The following TMEM192 variants were observed in gnomAD, a reference collection of about 807,000 sequenced individuals.
The protein encoded by TMEM192 is transmembrane protein 192.
A neutral mutation model predicts 26.7 loss-of-function variants in TMEM192; 20 were observed. The observed-to-expected ratio is 0.75, with a 90% CI of 0.53 to 1.09. The LOEUF (loss-of-function observed/expected upper bound fraction) is 1.09. Among genes scored for constraint, TMEM192 ranks in the 50% least tolerant of loss-of-function variants. TMEM192 has a pLI of 0.00. For missense variants in TMEM192, 304 were observed against 322.6 expected (o/e 0.94, Z 0.44); for synonymous variants, 124 against 121.0 (o/e 1.02, Z -0.16).
chr4:165,099,806 G>A (rs965118832), intron 3 of TMEM192, among the ~76,000 whole-genome samples: 5 of 151,992 alleles, frequency 3.3e-5, no homozygotes, highest in Admixed American at 2.0e-4. Flanking sequence ...AAAATTAGCC[G>A]GGTGTGGTGG....
intron 3 of TMEM192, among the ~76,000 whole-genome samples, chr4:165,097,581 T>TC (rs1734941884): frequency 6.8e-6 from 1 of 147,228 alleles, no homozygotes; most frequent in African/African-American, 2.5e-5. Context: ...TTTTTTTTTT[T>TC]TTTTGGAGAA....
Position 165,087,916 on chromosome 4 carries a change from T to C in TMEM192, c.574+552A>G, listed in dbSNP as rs184809640. Among the ~76,000 whole-genome samples, 5 of 152,242 alleles carry C rather than the reference T, an allele frequency of 3.3e-5. No individual in the cohort carries two copies. The East Asian group carries it at 9.7e-4, about 29-fold the overall frequency. ...CAAAAGTTTGTGGATGTTTTTGTTG[T>C]TGTTGTTTTAGGAGACAGGGTCTTA... is the stretch of plus-strand genomic sequence containing the variant. On this transcript the variant is annotated intron_variant, in intron 4 of 5. Transcript: ENST00000306480.
chr4:165,091,219 G>C (rs1025978560), intron 3 of TMEM192, among the ~76,000 whole-genome samples: 16 of 152,122 alleles, frequency 1.1e-4, no homozygotes, highest in Non-Finnish European at 1.9e-4. Context: ...AGTGAGCTGA[G>C]ATAGCGCCAC....
chr4:165,079,581 G>C lies in TMEM192; in HGVS notation c.*77C>G. 1.4e-6 allele frequency: 2 copies of C among 1,470,770 alleles called. No individual in the cohort carries two copies. Among genetic ancestry groups the C allele is most frequent in the Non-Finnish European group, 1.8e-6 (2 of 1,094,888 alleles). 91.1% of individuals were successfully genotyped at this position (1,470,770 alleles called of 1,614,324 possible). On this transcript the variant is annotated 3_prime_UTR_variant, in exon 6 of 6. Transcript: ENST00000306480. ...TATTCAGCAAAAGCTGCAGTTCCCC[G>C]TGGCAGCTTGTCAGGTGGTCAGTCA...
chr4:165,107,035 CTTTTTTT>C (rs1735178027), intron 1 of TMEM192, among the ~76,000 whole-genome samples: 1 of 146,974 alleles, frequency 6.8e-6, no homozygotes, highest in Non-Finnish European at 1.5e-5. Context: ...TTTTTTTTTT[CTTTTTTT>C]GAGACAGAGT....
Position 165,094,784 on chromosome 4 carries a change from G to A in TMEM192, c.439+5844C>T, listed in dbSNP as rs186224948. ...GAGGTCGGGAGTTCAAGTCCAGCCT[G>A]ACCAACACGGTGAAACCCTGTCTCT... On this transcript the variant is annotated intron_variant, in intron 3 of 5. Coordinates refer to ENST00000306480, the MANE Select transcript of TMEM192 (RefSeq NM_001100389.2). Among the ~76,000 whole-genome samples, 35 of 152,118 alleles carry A rather than the reference G, an allele frequency of 2.3e-4. 1 individual carries two copies. The highest frequency in any genetic ancestry group is 8.0e-4 in the African/African-American group (33 of 41,492).
intron 5 of TMEM192, among the ~76,000 whole-genome samples, chr4:165,081,174 G>T (rs1481229059): frequency 2.0e-5 from 3 of 151,436 alleles, no homozygotes; most frequent in Non-Finnish European, 4.4e-5. Context: ...GTCTTCAGAG[G>T]TTAACACAAC....
intron 1 of TMEM192, among the ~76,000 whole-genome samples, chr4:165,104,432 T>C (rs1207053160): frequency 6.6e-6 from 1 of 152,222 alleles, no homozygotes; most frequent in East Asian, 1.9e-4. Context: ...ATTACAAAGA[T>C]AAGGACAGTA....
At chr4:165,103,504 C>A (rs1735093734) in intron 1 of TMEM192, among the ~76,000 whole-genome samples, 1 of 131,306 alleles carries the variant, frequency 7.6e-6, no homozygotes, top group Non-Finnish European at 1.6e-5. Flanking sequence ...ACCACCACAC[C>A]CAGCTAATTT....
At chr4:165,095,791 TA>T (rs1734880903) in intron 3 of TMEM192, among the ~76,000 whole-genome samples, 1 of 151,970 alleles carries the variant, frequency 6.6e-6, no homozygotes, top group South Asian at 2.1e-4. Flanking sequence ...AATTTTTTTT[TA>T]AAAATGGAGT....
intron 1 of TMEM192, among the ~76,000 whole-genome samples, chr4:165,107,723 C>T (rs574388524): frequency 2.0e-5 from 3 of 152,042 alleles, no homozygotes; most frequent in Admixed American, 1.3e-4. Context: ...CACTTTCCAT[C>T]TCTACACCAG....
intron 3 of TMEM192, among the ~76,000 whole-genome samples, chr4:165,090,219 A>G (rs1283153685): frequency 3.4e-5 from 5 of 145,058 alleles, no homozygotes; most frequent in East Asian, 4.0e-4. Context: ...CTTGGAAAAA[A>G]AAAAAAAAAA....
intron 1 of TMEM192, among the ~76,000 whole-genome samples, chr4:165,110,145 G>A (rs1179981360): frequency 6.6e-6 from 1 of 152,180 alleles, no homozygotes; most frequent in African/African-American, 2.4e-5. Context: ...CCATCTGCAA[G>A]TGAAGGGTGA....
In TMEM192 at chr4:165,088,499, G is replaced by T. The variant is rs1734678027; in HGVS notation, c.543C>A (p.Ile181=). The T allele has an allele frequency of 9.3e-6, 15 of 1,613,808 alleles. No homozygotes were observed. In the East Asian group the frequency reaches 3.3e-4, roughly 36 times the overall value. The change falls in exon 4 of 6, where the codon ATC becomes ATA. Residue 181 remains isoleucine, a synonymous_variant. Transcript: ENST00000306480. ...AAATGAGGAGACATATCAGGGAACAGATGAGTTCCAGTGCCAAGATGGCCA... is the reference window on the plus strand; with the variant it reads ...AAATGAGGAGACATATCAGGGAACATATGAGTTCCAGTGCCAAGATGGCCA... ...LILAILALEL[I]CSLICLLIYT... is the part of the protein sequence containing the mutation.
chr4:165,107,868 C>A (rs918359825), intron 1 of TMEM192, among the ~76,000 whole-genome samples: 1 of 152,188 alleles, frequency 6.6e-6, no homozygotes, highest in Non-Finnish European at 1.5e-5. Context: ...TTCATCTGTA[C>A]AAGTTTGAGC....
Position 165,088,632 on chromosome 4 carries a change from G to A in TMEM192, c.440-30C>T, listed in dbSNP as rs773388026. ...GGAGGAGAAACATAAAACACAGCATGTGATGAGAAATACATATATGGTCTT... is the reference window on the plus strand; with the variant it reads ...GGAGGAGAAACATAAAACACAGCATATGATGAGAAATACATATATGGTCTT... On this transcript the variant is annotated intron_variant, in intron 3 of 5. Transcript: ENST00000306480. 2.5e-6 allele frequency: 4 copies of A among 1,595,596 alleles called. No homozygotes were observed. In the South Asian group the frequency reaches 4.5e-5, roughly 18 times the overall value.
chr4:165,104,572 C>A (rs137886864), intron 1 of TMEM192, among the ~76,000 whole-genome samples: 7 of 152,144 alleles, frequency 4.6e-5, no homozygotes, highest in South Asian at 2.1e-4. Flanking sequence ...GCTCTGTCGC[C>A]GAGGCTGGAG....
At chr4:165,108,405 G>A (rs1735218605) in intron 1 of TMEM192, among the ~76,000 whole-genome samples, 1 of 152,080 alleles carries the variant, frequency 6.6e-6, no homozygotes, top group Non-Finnish European at 1.5e-5. Context: ...ACAGGCATGA[G>A]CCACCGCACC....
In TMEM192 at chr4:165,075,728, C is replaced by G. The variant is rs889932409; in HGVS notation, c.*3930G>C. 6.6e-6 allele frequency: 1 copy of G among 151,636 alleles called. No homozygotes were observed. The allele number at this position is 151,636 out of a possible 1,614,324, so 9.4% of individuals were successfully genotyped here. A position where few individuals can be genotyped will look rare whatever the true frequency, so the allele number is the denominator to read the frequency against. On this transcript the variant is annotated 3_prime_UTR_variant, in exon 6 of 6. Coordinates refer to ENST00000306480, the MANE Select transcript of TMEM192 (RefSeq NM_001100389.2). Reference sequence around the variant, plus strand: ...GGGATTACAGGCACCCTGCACCACACCTGGCTGATATTTGTATTCTTAGTA... The same window carrying G: ...GGGATTACAGGCACCCTGCACCACAGCTGGCTGATATTTGTATTCTTAGTA...
Sources: gnomAD v4.1 joint callset for allele counts (sites outside exome capture counted in the v4.1 genomes callset) on GRCh38, gnomAD v4.1.1 for gene constraint, MANE v1.5 for transcripts, NCBI Gene and HGNC (gene_info 2026-07-23, HGNC 2026-07-21) for gene names.